The following CD200R1 variants were observed in gnomAD, a reference collection of about 807,000 sequenced individuals.
The protein encoded by CD200R1 is cell surface glycoprotein CD200 receptor 1.
Under a neutral mutation model 38.1 loss-of-function variants are expected in CD200R1, and 30 were observed. The observed-to-expected ratio is 0.79, with a 90% CI of 0.59 to 1.07. The LOEUF (loss-of-function observed/expected upper bound fraction) is 1.07. CD200R1 is among the 50% of genes least tolerant of loss of function. CD200R1 has a pLI of 0.00. For synonymous variants in CD200R1, 128 were observed against 152.1 expected, an observed-to-expected ratio of 0.84 and a Z score of 1.16; for missense variants, 372 against 415.4, an observed-to-expected ratio of 0.90 and a Z score of 0.91.
chr3:112,941,623 C>T (rs962354269), intron 2 of CD200R1, among the ~76,000 whole-genome samples: 1 of 151,024 alleles, frequency 6.6e-6, no homozygotes, highest in Non-Finnish European at 1.5e-5. Flanking sequence ...TGAAAAGTTG[C>T]TATATTGTAG....
chr3:112,960,748 T>C (rs1361379322), intron 1 of CD200R1, among the ~76,000 whole-genome samples: 1 of 151,982 alleles, frequency 6.6e-6, no homozygotes, highest in African/African-American at 2.4e-5. Flanking sequence ...TTGGGGGATA[T>C]AACTGGGGAG....
At chr3:112,950,384 G>A (rs1304086558) in intron 1 of CD200R1, among the ~76,000 whole-genome samples, 11 of 146,404 alleles carry the variant, frequency 7.5e-5, no homozygotes, top group Admixed American at 3.5e-4. Flanking sequence ...CTGGGTGACA[G>A]AGTGACACTC....
intron 1 of CD200R1, 73 bp downstream of exon 1, chr3:112,974,718 A>G: frequency 9.8e-7 from 1 of 1,015,508 alleles, no homozygotes; most frequent in Admixed American, 1.7e-5. Context: ...CCCCAGAAGA[A>G]AGACAAAAAA....
chr3:112,947,993 A>C, intron 1 of CD200R1, 69 bp from the exon 2 acceptor site: 1 of 974,192 alleles, frequency 1.0e-6, no homozygotes. Context: ...TCCTAGTTAA[A>C]ATCATATTTT....
rs1201888959 is a variant in CD200R1 at position 112,945,925 on chromosome 3, C to CTT, written c.136+1930_136+1931insAA. Among the ~76,000 whole-genome samples, 572 of 150,414 alleles carry CTT rather than the reference C, an allele frequency of 3.8e-3. 3 individuals carry two copies. The highest frequency in any genetic ancestry group is 0.01 in the Middle Eastern group (3 of 286). The stretch of plus-strand genomic sequence containing the variant: ...CGCCTGTAGTCCCAGCTACTCTACT[C>CTT]CGGAGGCTGAGGCAGAAGAATGGCG... On this transcript the variant is annotated intron_variant, in intron 2 of 7. Transcript: ENST00000308611.
At chr3:112,940,913 A>C (rs1940710548) in intron 2 of CD200R1, among the ~76,000 whole-genome samples, 1 of 151,780 alleles carries the variant, frequency 6.6e-6, no homozygotes, top group African/African-American at 2.4e-5. Context: ...CAAACGCCCA[A>C]TAACAAATGA....
chr3:112,964,494 A>G (rs1020968416), intron 1 of CD200R1, among the ~76,000 whole-genome samples: 1 of 152,290 alleles, frequency 6.6e-6, no homozygotes, highest in East Asian at 1.9e-4. Context: ...TTGGAGCTTT[A>G]AGATTTGACT....
At chr3:112,927,489 T>C (rs1940306737) in intron 5 of CD200R1, among the ~76,000 whole-genome samples, 1 of 152,176 alleles carries the variant, frequency 6.6e-6, no homozygotes. Flanking sequence ...GTAGCTCATA[T>C]AGTACTCACT....
intron 1 of CD200R1, among the ~76,000 whole-genome samples, chr3:112,952,693 G>A (rs1352416547): frequency 1.3e-5 from 2 of 152,172 alleles, no homozygotes; most frequent in African/African-American, 4.8e-5. Context: ...GCTACATGAC[G>A]AGTTAGTGGG....
At chr3:112,956,573 G>A (rs368724244) in intron 1 of CD200R1, among the ~76,000 whole-genome samples, 1 of 152,092 alleles carries the variant, frequency 6.6e-6, no homozygotes, top group South Asian at 2.1e-4. Flanking sequence ...ATGTTTCCCT[G>A]ATGGTTCTTG....
At chr3:112,961,870 A>T (rs1444717893) in intron 1 of CD200R1, among the ~76,000 whole-genome samples, 3 of 152,222 alleles carry the variant, frequency 2.0e-5, no homozygotes, top group Non-Finnish European at 4.4e-5. Context: ...CAGGCTGACA[A>T]AAGATTAAAT....
intron 1 of CD200R1, among the ~76,000 whole-genome samples, chr3:112,954,056 G>A (rs553018700): frequency 2.6e-5 from 4 of 152,116 alleles, no homozygotes; most frequent in African/African-American, 9.6e-5. Flanking sequence ...CTTAATGTAG[G>A]CACTTATTGC....
At chr3:112,938,557 C>T (rs572666964) in intron 2 of CD200R1, among the ~76,000 whole-genome samples, 2 of 152,012 alleles carry the variant, frequency 1.3e-5, no homozygotes, top group East Asian at 3.9e-4. Context: ...TTTAAACCAA[C>T]AAGAAATGGA....
At position 112,973,949 on chromosome 3, in the gene CD200R1, T is replaced by C. The variant is rs76349492; in HGVS notation, c.67+842A>G. On this transcript the variant is annotated intron_variant, in intron 1 of 7. Coordinates refer to ENST00000308611, the MANE Select transcript of CD200R1 (RefSeq NM_138806.4). The stretch of plus-strand genomic sequence containing the variant: ...GAAGAGTCTGTTCTCTAACTCGTAG[T>C]GTCTCTTACAGCCCACACATCTTGA... 1.6e-4 allele frequency among the ~76,000 whole-genome samples: 25 copies of C among 152,278 alleles called. No homozygotes were observed. The East Asian group carries it at 4.6e-3, about 28-fold the overall frequency.
chr3:112,928,112 T>C (rs1940323716), intron 5 of CD200R1, among the ~76,000 whole-genome samples: 1 of 152,118 alleles, frequency 6.6e-6, no homozygotes, highest in East Asian at 1.9e-4. Flanking sequence ...CAGTAAGAAA[T>C]AGCAGTATGA....
intron 5 of CD200R1, 29 bp downstream of exon 5, chr3:112,928,787 T>A (rs1940339238): frequency 3.9e-6 from 6 of 1,521,828 alleles, no homozygotes; most frequent in African/African-American, 1.4e-5. Flanking sequence ...TGGAAAAAAA[T>A]AAAAAATAAA....
intron 2 of CD200R1, 100 bp downstream of exon 2, chr3:112,947,756 T>C (rs1181488895): frequency 8.2e-6 from 6 of 730,956 alleles, no homozygotes; most frequent in Admixed American, 2.0e-5. Context: ...ATTTAGATAA[T>C]ACAGATAATG....
chr3:112,928,940 G>A lies in CD200R1; in HGVS notation c.645C>T (p.Tyr215=). The A allele has an allele frequency of 6.2e-7, 1 of 1,614,046 alleles. No individual in the cohort carries two copies. The highest frequency in any genetic ancestry group is 8.5e-7 in the Non-Finnish European group (1 of 1,179,998). The change falls in exon 5 of 8, where the codon TAC becomes TAT. Residue 215 remains tyrosine, a synonymous_variant. Transcript: ENST00000308611. The part of the protein sequence containing the change: ...PEGDCATKQE[Y]WSNGTVTVKS... The stretch of plus-strand genomic sequence containing the variant: ...TAACAGTCACTGTGCCATTGCTCCA[G>A]TATTCTTGCTTAGTGGCACAATCGC...
In CD200R1 at chr3:112,947,867, T is replaced by C. The variant is rs753546828; in HGVS notation, c.125A>G (p.Asn42Ser). ...NSLMLQTSKENHALASSSLCM... is the reference protein window; with the variant it reads ...NSLMLQTSKESHALASSSLCM... ...AAGATGCACATTACCTAAAGCATGA[T>C]TCTCCTTGCTAGTTTGCAGCATTAA... The change falls in exon 2 of 8, where the codon AAT becomes AGT. Residue 42 changes from asparagine to serine, a missense_variant. Asn to Ser is a conservative substitution (Grantham distance 46). Transcript: ENST00000308611. 8 of 1,610,406 alleles carry C rather than the reference T, an allele frequency of 5.0e-6. No homozygotes were observed. Among genetic ancestry groups the C allele is most frequent in the East Asian group, 2.2e-5 (1 of 44,842 alleles).
Sources: gnomAD v4.1 joint callset for allele counts (sites outside exome capture counted in the v4.1 genomes callset) on GRCh38, gnomAD v4.1.1 for gene constraint, MANE v1.5 for transcripts, NCBI Gene and HGNC (gene_info 2026-07-23, HGNC 2026-07-21) for gene names.